ATG14: variants seen among roughly 807,000 people sequenced by gnomAD.
ATG14 encodes the protein beclin 1-associated autophagy-related key regulator.
A neutral mutation model predicts 60.4 loss-of-function variants in ATG14; 35 were observed. The ratio of observed to expected loss-of-function variants is 0.58; its 90% CI spans 0.44 to 0.77. The LOEUF is 0.77. ATG14 is among the 30% of genes least tolerant of loss of function. The pLI, the probability that ATG14 is intolerant of heterozygous loss-of-function variation, is 0.00. For synonymous variants in ATG14, 234 were observed against 228.8 expected (o/e 1.02, Z -0.21); for missense variants, 647 against 626.3 (o/e 1.03, Z -0.35).
At position 55,369,523 on chromosome 14, in the gene ATG14, C is replaced by T. The variant is rs899100647; in HGVS notation, c.*96G>A. On this transcript the variant is annotated 3_prime_UTR_variant, in exon 10 of 10. Transcript: ENST00000247178. Reference sequence around the variant, plus strand: ...AAACAACACTTTAACCTCTTTGTTCCAGACACTATCTTAACTTAAACAGAA... The same window carrying T: ...AAACAACACTTTAACCTCTTTGTTCTAGACACTATCTTAACTTAAACAGAA... The T allele has an allele frequency of 1.7e-6, 2 of 1,191,866 alleles. No homozygotes were observed. The highest frequency in any genetic ancestry group is 2.3e-6 in the Non-Finnish European group (2 of 873,932). The allele number at this position is 1,191,866 out of a possible 1,614,324, so 73.8% of individuals were successfully genotyped here. A position where few individuals can be genotyped will look rare whatever the true frequency, so the allele number is the denominator to read the frequency against.
chr14:55,375,883 G>T (rs775151406), intron 9 of ATG14, among the ~76,000 whole-genome samples: 2 of 152,148 alleles, frequency 1.3e-5, no homozygotes, highest in East Asian at 3.8e-4. Flanking sequence ...TGTAAGTAAC[G>T]TGCCATGAAG....
rs1203859785 is a variant in ATG14 at position 55,411,812 on chromosome 14, G to C, written c.11C>G (p.Pro4Arg). 2 of 1,594,612 alleles carry C rather than the reference G, an allele frequency of 1.3e-6. No homozygotes were observed. Among genetic ancestry groups the C allele is most frequent in the Non-Finnish European group, 1.7e-6 (2 of 1,171,436 alleles). The part of the protein sequence containing the change: MAS[P>R]SGKGARALEA... ...CAGCGCCCGGGCTCCCTTCCCACTG[G>C]GAGACGCCATGATGGCCTGAGAGGA... The change falls in exon 1 of 10, where the codon CCC becomes CGC. Residue 4 changes from proline (P) to arginine (R), a missense_variant. Transcript: ENST00000247178.
rs778333697 is a variant in ATG14 at position 55,366,516 on chromosome 14, G to A, written c.*3103C>T. ...AACATGATACTGTGAGGAGATTCTC[G>A]GACACTAGTCCTCTAACAGCATGCC... is the stretch of plus-strand genomic sequence containing the variant. On this transcript the variant is annotated 3_prime_UTR_variant, in exon 10 of 10. Coordinates refer to ENST00000247178, the MANE Select transcript of ATG14 (RefSeq NM_014924.5). 2.6e-5 allele frequency: 4 copies of A among 152,546 alleles called. No homozygotes were observed. The highest frequency in any genetic ancestry group is 1.9e-4 in the East Asian group (1 of 5,190). 9.4% of individuals were successfully genotyped at this position (152,546 alleles called of 1,614,324 possible). A position where few individuals can be genotyped will look rare whatever the true frequency, so the allele number is the denominator to read the frequency against.
rs781282993 is a variant in ATG14, at chr14:55,369,565, T to C, written c.*54A>G. On this transcript the variant is annotated 3_prime_UTR_variant, in exon 10 of 10. Transcript: ENST00000247178. The stretch of plus-strand genomic sequence containing the variant: ...TAAACAGAAAATGTTTACTAGAGTG[T>C]AGTGGGAGAAGAACTTTCTTGATGC... 41 of 1,395,582 alleles carry C rather than the reference T, an allele frequency of 2.9e-5. No homozygotes were observed. The highest frequency in any genetic ancestry group is 3.9e-5 in the Non-Finnish European group (41 of 1,041,402). 86.4% of individuals were successfully genotyped at this position (1,395,582 alleles called of 1,614,324 possible). A position where few individuals can be genotyped will look rare whatever the true frequency, so the allele number is the denominator to read the frequency against.
intron 3 of ATG14, among the ~76,000 whole-genome samples, chr14:55,393,108 G>A (rs760448141): frequency 7.2e-5 from 11 of 152,238 alleles, no homozygotes; most frequent in South Asian, 2.1e-4. Flanking sequence ...ATGACTGGGC[G>A]CGGTGGCTCA....
intron 9 of ATG14, among the ~76,000 whole-genome samples, chr14:55,373,821 G>C (rs1231087188): frequency 6.9e-6 from 1 of 144,182 alleles, no homozygotes. Context: ...AAAAAAAAAA[G>C]TTTATCTTTT....
intron 3 of ATG14, 134 bp downstream of exon 3, chr14:55,395,806 G>T: frequency 2.0e-6 from 1 of 493,608 alleles, no homozygotes; most frequent in Non-Finnish European, 3.3e-6. Flanking sequence ...ATTTGAGAAA[G>T]CCACGCTACA....
At position 55,411,631 on chromosome 14, in the gene ATG14, G is replaced by T. The variant is rs556057378; in HGVS notation, c.192C>A (p.Phe64Leu). ...CCCGGTCGCGGCCGTCGAAGTAGACGAAATCGCCGCTCTGAACGCATTTGG... is the reference window on the plus strand; with the variant it reads ...CCCGGTCGCGGCCGTCGAAGTAGACTAAATCGCCGCTCTGAACGCATTTGG... ...TCAKCVQSGDFVYFDGRDRER... is the reference protein window; with the variant it reads ...TCAKCVQSGDLVYFDGRDRER... Residue 64 changes from phenylalanine (F) to leucine (L), a missense_variant, in exon 1 of 10, where the codon TTC becomes TTA. Physicochemically the swap from Phe to Leu is conservative, Grantham distance 22. Transcript: ENST00000247178. 2 of 1,612,542 alleles carry T rather than the reference G, an allele frequency of 1.2e-6. No individual in the cohort carries two copies. Among genetic ancestry groups the T allele is most frequent in the Non-Finnish European group, 8.5e-7 (1 of 1,179,704 alleles).
rs571617989 is a variant in ATG14 at position 55,386,165 on chromosome 14, C to T, written c.410-69G>A. The stretch of plus-strand genomic sequence containing the variant: ...TTCCTGTGTACTGCAGAGCTCCACC[C>T]CACAAACATGCGTGTTTTCCCTTGC... On this transcript the variant is annotated intron_variant, in intron 4 of 9. Transcript: ENST00000247178. The T allele has an allele frequency of 9.3e-6, 12 of 1,294,916 alleles. No individual in the cohort carries two copies. In the South Asian group the frequency reaches 1.7e-4, roughly 18 times the overall value. The allele number at this position is 1,294,916 out of a possible 1,614,324, so 80.2% of individuals were successfully genotyped here. A position where few individuals can be genotyped will look rare whatever the true frequency, so the allele number is the denominator to read the frequency against.
intron 5 of ATG14, among the ~76,000 whole-genome samples, chr14:55,384,312 A>C (rs1885087234): frequency 6.6e-6 from 1 of 152,252 alleles, no homozygotes; most frequent in East Asian, 1.9e-4. Flanking sequence ...AGAATTTTAA[A>C]GTTTCCCTGT....
chr14:55,397,723 C>G (rs1423241323), intron 1 of ATG14, among the ~76,000 whole-genome samples: 1 of 152,150 alleles, frequency 6.6e-6, no homozygotes, highest in Non-Finnish European at 1.5e-5. Context: ...CATCAGAACA[C>G]TAAAGTGAAT....
chr14:55,381,940 CA>C (rs753869673), intron 6 of ATG14, 21 bp downstream of exon 6: 36 of 1,590,426 alleles, frequency 2.3e-5, no homozygotes, highest in Non-Finnish European at 7.8e-6. Context: ...ATATAGATTT[CA>C]AAGGATATGC....
chr14:55,391,988 C>G (rs1002478441), intron 3 of ATG14, among the ~76,000 whole-genome samples: 4 of 152,148 alleles, frequency 2.6e-5, no homozygotes, highest in Admixed American at 1.3e-4. Flanking sequence ...TTCAGCACCC[C>G]CTAAAGCAGT....
chr14:55,397,068 C>T (rs1467979267), intron 2 of ATG14, among the ~76,000 whole-genome samples: 4 of 152,334 alleles, frequency 2.6e-5, no homozygotes, highest in South Asian at 2.1e-4. Flanking sequence ...GCCACCAGCA[C>T]TAATTTAAGT....
intron 6 of ATG14, among the ~76,000 whole-genome samples, 185 bp from the exon 7 acceptor site, chr14:55,380,875 A>ATATATTT (rs377330757): frequency 2.0e-4 from 22 of 112,700 alleles, no homozygotes; most frequent in African/African-American, 6.5e-4. Flanking sequence ...ATATATATAT[A>ATATATTT]TTTTTTTTTT....
rs1024377245 is a variant in ATG14, at chr14:55,401,648, AT to A, written c.222-4215del. ...TTCTTCCATACTTTTATGACTTATG[AT>A]TTTTTTTTCTGTTAAAAAAAGGTAC... On this transcript the variant is annotated intron_variant, in intron 1 of 9. Transcript: ENST00000247178. Among the ~76,000 whole-genome samples, 7 of 151,488 alleles carry A rather than the reference AT, an allele frequency of 4.6e-5. No homozygotes were observed. The East Asian group carries it at 7.7e-4, about 17-fold the overall frequency.
chr14:55,387,223 CA>C lies in ATG14; in HGVS notation c.410-1128del, dbSNP rs1470372254. Among the ~76,000 whole-genome samples, 7 of 152,290 alleles carry C rather than the reference CA, an allele frequency of 4.6e-5. No individual in the cohort carries two copies. In the East Asian group the frequency reaches 1.3e-3, roughly 29 times the overall value. On this transcript the variant is annotated intron_variant, in intron 4 of 9. Coordinates refer to ENST00000247178, the MANE Select transcript of ATG14 (RefSeq NM_014924.5). ...AACCCCTCAGCCTCAAGGCCTCCTC[CA>C]AATTGGTACATATCCCCACAGTTCC...
chr14:55,395,706 T>G (rs1179267999), intron 3 of ATG14, among the ~76,000 whole-genome samples: 1 of 152,232 alleles, frequency 6.6e-6, no homozygotes, highest in African/African-American at 2.4e-5. Context: ...TTTTTGTTTT[T>G]CTATGTCAAC....
At chr14:55,384,105 G>A (rs1049858760) in intron 5 of ATG14, among the ~76,000 whole-genome samples, 4 of 152,282 alleles carry the variant, frequency 2.6e-5, no homozygotes, top group Non-Finnish European at 5.9e-5. Flanking sequence ...CCCACAAGAA[G>A]TTGAGAGAAA....
Sources: gnomAD v4.1 joint callset for allele counts (sites outside exome capture counted in the v4.1 genomes callset) on GRCh38, gnomAD v4.1.1 for gene constraint, MANE v1.5 for transcripts, NCBI Gene and HGNC (gene_info 2026-07-23, HGNC 2026-07-21) for gene names.